The following MICU1 variants were observed in gnomAD, a reference collection of about 807,000 sequenced individuals.
MICU1 encodes the protein calcium uptake protein 1, mitochondrial.
MICU1 carries 45 observed loss-of-function variants against 56.8 expected under a neutral mutation model. That is an observed-to-expected ratio of 0.79 (90% confidence interval 0.62 to 1.02). The LOEUF (loss-of-function observed/expected upper bound fraction) is 1.02, where lower values mean the gene tolerates loss of function less well. Among genes scored for constraint, MICU1 ranks in the 50% least tolerant of loss-of-function variants. MICU1 has a pLI of 0.00. For synonymous variants in MICU1, 186 were observed against 195.1 expected, an observed-to-expected ratio of 0.95 and a Z score of 0.39; for missense variants, 504 against 587.1, an observed-to-expected ratio of 0.86 and a Z score of 1.46.
At chr10:72,625,100 G>A (rs1348066327) in intron 1 of MICU1, among the ~76,000 whole-genome samples, 1 of 152,140 alleles carries the variant, frequency 6.6e-6, no homozygotes, top group Non-Finnish European at 1.5e-5. Context: ...GCCCCAAAGG[G>A]ATGTTCTAAT....
At chr10:72,613,936 C>T (rs1309849541) in intron 1 of MICU1, among the ~76,000 whole-genome samples, 3 of 152,036 alleles carry the variant, frequency 2.0e-5, no homozygotes, top group African/African-American at 4.8e-5. Context: ...CCTGAGGTCA[C>T]GAGTTCAAGA....
At chr10:72,413,991 G>A (rs1863905394) in intron 9 of MICU1, among the ~76,000 whole-genome samples, 1 of 152,194 alleles carries the variant, frequency 6.6e-6, no homozygotes, top group Admixed American at 6.5e-5. Context: ...AGGTGTTGAT[G>A]AGGGTGTGGA....
At chr10:72,422,221 T>C (rs947368012) in intron 9 of MICU1, among the ~76,000 whole-genome samples, 1 of 152,230 alleles carries the variant, frequency 6.6e-6, no homozygotes, top group African/African-American at 2.4e-5. Flanking sequence ...CCTCTCTTCA[T>C]GTACACACAC....
intron 5 of MICU1, among the ~76,000 whole-genome samples, chr10:72,518,328 C>G (rs986248650): frequency 7.2e-5 from 11 of 152,046 alleles, no homozygotes; most frequent in African/African-American, 2.7e-4. Flanking sequence ...GCCACTGCAC[C>G]TGGCCTGTTT....
At chr10:72,474,407 G>A (rs1367017237) in intron 8 of MICU1, among the ~76,000 whole-genome samples, 2 of 151,846 alleles carry the variant, frequency 1.3e-5, no homozygotes, top group African/African-American at 4.8e-5. Context: ...TTTGATCAAT[G>A]TTTTGAATGG....
intron 1 of MICU1, among the ~76,000 whole-genome samples, chr10:72,603,491 A>G (rs1303719058): frequency 1.3e-5 from 2 of 151,986 alleles, no homozygotes; most frequent in African/African-American, 4.8e-5. Context: ...GCTCACTTTT[A>G]TACTTTTTAG....
At chr10:72,495,966 T>G (rs1052409477) in intron 6 of MICU1, among the ~76,000 whole-genome samples, 1 of 151,364 alleles carries the variant, frequency 6.6e-6, no homozygotes, top group African/African-American at 2.5e-5. Flanking sequence ...AGTCATCATT[T>G]GGAATTTTTT....
chr10:72,538,236 G>A (rs1224738507), intron 4 of MICU1, among the ~76,000 whole-genome samples: 3 of 151,920 alleles, frequency 2.0e-5, no homozygotes, highest in Non-Finnish European at 1.5e-5. Flanking sequence ...AAAATAAAAA[G>A]ACAGGCCCCA....
At chr10:72,575,496 T>C (rs1840717697) in intron 1 of MICU1, among the ~76,000 whole-genome samples, 1 of 152,210 alleles carries the variant, frequency 6.6e-6, no homozygotes, top group Non-Finnish European at 1.5e-5. Context: ...ATTGCATTTT[T>C]CACAAATTGA....
chr10:72,624,227 C>T (rs575419392), intron 1 of MICU1, among the ~76,000 whole-genome samples: 1 of 152,294 alleles, frequency 6.6e-6, no homozygotes, highest in South Asian at 2.1e-4. Flanking sequence ...CAGGGTATCG[C>T]TCTGTCGCCC....
intron 10 of MICU1, among the ~76,000 whole-genome samples, chr10:72,385,113 A>G (rs1862844311): frequency 6.6e-6 from 1 of 152,106 alleles, no homozygotes; most frequent in African/African-American, 2.4e-5. Flanking sequence ...GTGCCAGGGT[A>G]CTAATGAGAA....
At chr10:72,448,193 A>ATTTTTTTTTT (rs71018289) in intron 8 of MICU1, among the ~76,000 whole-genome samples, 5 of 36,816 alleles carry the variant, frequency 1.4e-4, no homozygotes, top group Non-Finnish European at 2.4e-4. Flanking sequence ...ATATATATAT[A>ATTTTTTTTTT]TTTTTTTTTT....
intron 8 of MICU1, among the ~76,000 whole-genome samples, chr10:72,458,044 G>A (rs888472469): frequency 1.3e-5 from 2 of 151,918 alleles, no homozygotes; most frequent in Non-Finnish European, 2.9e-5. Context: ...GCACGTGCCT[G>A]TAATCCCAGC....
At chr10:72,569,237 A>ATATATATATATATATTTTTTTTTT in intron 1 of MICU1, among the ~76,000 whole-genome samples, 4 of 34,392 alleles carry the variant, frequency 1.2e-4, no homozygotes, top group Non-Finnish European at 1.5e-4. Context: ...ATATATATAT[A>ATATATATATATATATTTTTTTTTT]TTTTTTTTTT....
At chr10:72,413,361 T>C (rs370476093) in intron 9 of MICU1, among the ~76,000 whole-genome samples, 1 of 152,118 alleles carries the variant, frequency 6.6e-6, no homozygotes, top group Admixed American at 6.5e-5. Flanking sequence ...ATTTAAAAAA[T>C]TTGTGCTTCA....
chr10:72,404,813 AT>A (rs1372290672), intron 10 of MICU1, among the ~76,000 whole-genome samples: 2 of 152,366 alleles, frequency 1.3e-5, no homozygotes, highest in Non-Finnish European at 2.9e-5. Context: ...TCACTGATGA[AT>A]TCTATCAAAT....
At chr10:72,603,472 C>T (rs1841599517) in intron 1 of MICU1, among the ~76,000 whole-genome samples, 1 of 151,548 alleles carries the variant, frequency 6.6e-6, no homozygotes, top group East Asian at 1.9e-4. Flanking sequence ...CCAAGGTAAT[C>T]AGGGTACAGC....
At position 72,421,516 on chromosome 10, in the gene MICU1, C is replaced by T. The variant is rs1324249012; in HGVS notation, c.1071+1718G>A. On this transcript the variant is annotated intron_variant, in intron 9 of 11. Transcript: ENST00000361114. ...TCTTGAACTCCTGACCTCAGGTGAT[C>T]TGCGTGTCTTGACCTCCCAAAGCGT... 2.6e-5 allele frequency among the ~76,000 whole-genome samples: 4 copies of T among 152,166 alleles called. No individual in the cohort carries two copies. In the South Asian group the frequency reaches 6.2e-4, roughly 24 times the overall value.
Position 72,508,225 on chromosome 10 carries a change from T to C in MICU1, c.582A>G (p.Ile194Met), listed in dbSNP as rs755533039. Reference protein sequence around the residue: ...EREKFADEGSIFYTLGECGLI... With the variant: ...EREKFADEGSMFYTLGECGLI... The stretch of plus-strand genomic sequence containing the variant: ...GCCCACATTCTCCAAGGGTGTAAAA[T>C]ATACTGCCTTCATCAGCAAATTTTT... Residue 194 changes from isoleucine to methionine, a missense_variant, in exon 6 of 12, where the codon ATA becomes ATG. By Grantham distance (10) the Ile-to-Met change is conservative (BLOSUM62 1). Coordinates refer to ENST00000361114, the MANE Select transcript of MICU1 (RefSeq NM_001195518.2). 5 of 1,541,918 alleles carry C rather than the reference T, an allele frequency of 3.2e-6. No individual in the cohort carries two copies. In the South Asian group the frequency reaches 5.1e-5, roughly 16 times the overall value.
Sources: allele counts gnomAD v4.1 joint callset (sites outside exome capture counted in the v4.1 genomes callset), GRCh38; gene constraint gnomAD v4.1.1; transcripts MANE v1.5; gene names NCBI Gene and HGNC (gene_info 2026-07-23, HGNC 2026-07-21).